The following SLC6A4 variants were observed in gnomAD, a reference collection of about 807,000 sequenced individuals.
SLC6A4 encodes the protein solute carrier family 6 member 4.
A neutral mutation model predicts 73.4 loss-of-function variants in SLC6A4; 22 were observed. That is an observed-to-expected ratio of 0.30 (90% CI 0.21 to 0.43). SLC6A4 has a LOEUF of 0.43. Ranked by LOEUF, SLC6A4 falls within the 20% of genes least tolerant of loss-of-function variation. SLC6A4 has a pLI of 1.00. For synonymous variants in SLC6A4, 270 were observed against 315.5 expected (o/e 0.86, Z 1.53); for missense variants, 593 against 808.5 (o/e 0.73, Z 3.23).
In SLC6A4 at chr17:30,221,812, T is replaced by G; in HGVS notation, c.147A>C (p.Ala49=). Residue 49 remains alanine (A), a synonymous_variant, in exon 3 of 15, where the codon GCA becomes GCC. Coordinates refer to ENST00000650711, the MANE Select transcript of SLC6A4 (RefSeq NM_001045.6). ...CATCTCCCGCACCAGGACTTGGAAC[T>G]GCTGAGTACCCATTGGATATTTGCC... ...ESGQISNGYS[A]VPSPGAGDDT... is the part of the protein sequence containing the mutation. 6.2e-7 allele frequency: 1 copy of G among 1,614,198 alleles called. No homozygotes were observed. The highest frequency in any genetic ancestry group is 8.5e-7 in the Non-Finnish European group (1 of 1,180,034).
At chr17:30,214,655 T>C (rs11653903) in intron 8 of SLC6A4, among the ~76,000 whole-genome samples, 99,233 of 140,816 alleles carry the variant, frequency 0.7, 37,488 homozygotes, top group East Asian at 0.9. Context: ...TTTTTTTTGA[T>C]GGAATCTCAC....
Position 30,194,516 on chromosome 17 carries a change from T to C in SLC6A4, c.*3940A>G, listed in dbSNP as rs1292306578. The C allele has an allele frequency of 6.6e-6, 1 of 152,190 alleles. No individual in the cohort carries two copies. The highest frequency in any genetic ancestry group is 1.9e-4 in the East Asian group (1 of 5,204). 9.4% of individuals were successfully genotyped at this position (152,190 alleles called of 1,614,324 possible). The stretch of plus-strand genomic sequence containing the variant: ...CAATCAAAAGTATTCTGAAAAGTTG[T>C]ATATAGATCAAATCATAGTTTAAAG... On this transcript the variant is annotated 3_prime_UTR_variant, in exon 15 of 15. Transcript: ENST00000650711.
intron 12 of SLC6A4, 110 bp from the exon 13 acceptor site, chr17:30,207,942 G>A (rs1401137124): frequency 6.7e-6 from 5 of 744,676 alleles, no homozygotes; most frequent in Admixed American, 2.4e-5. Context: ...CACTGGGAAT[G>A]ACAAGGGGAA....
rs778131401 is a variant in SLC6A4, at chr17:30,221,626, C to G, written c.333G>C (p.Gln111His). 6.2e-7 allele frequency: 1 copy of G among 1,613,080 alleles called. No individual in the cohort carries two copies. The highest frequency in any genetic ancestry group is 1.7e-5 in the Admixed American group (1 of 60,010). ...GCCTGTGATACTGACCCCCTCCATTCTGGTAACATATGTAGGGGAAGCGCC... is the reference window on the plus strand; with the variant it reads ...GCCTGTGATACTGACCCCCTCCATTGTGGTAACATATGTAGGGGAAGCGCC... ...NVWRFPYICY[Q>H]NGGGAFLLPY... The change falls in exon 3 of 15, where the codon CAG becomes CAC. Residue 111 changes from glutamine to histidine, a missense_variant. Transcript: ENST00000650711.
At chr17:30,222,960 G>T (rs25528) in intron 1 of SLC6A4, 45 bp from the exon 2 acceptor site, 543,674 of 685,978 alleles carry the variant, frequency 0.79, 218,734 homozygotes, top group East Asian at 0.88. Context: ...GGTGGTTGGT[G>T]TCGCCGTCCC....
rs55958834 is a variant in SLC6A4 at position 30,208,720 on chromosome 17, C to T, written c.1549+423G>A. ...TTTTTTGTTTGTTTCGAGACAGACT[C>T]TCACTCTGTTGTCCAGACTGGAGTG... is the stretch of plus-strand genomic sequence containing the variant. On this transcript the variant is annotated intron_variant, in intron 12 of 14. Transcript: ENST00000650711. Among the ~76,000 whole-genome samples the T allele has an allele frequency of 9.2e-5, 14 of 152,314 alleles. No homozygotes were observed. The East Asian group carries it at 2.5e-3, about 27-fold the overall frequency.
chr17:30,222,728 G>C lies in SLC6A4; in HGVS notation c.-124+91C>G, dbSNP rs1036085330. ...GTTGGGGCAGATTTGAGCTGCCTCC[G>C]GCTGTGTCCAGTCTATCTGCACATG... On this transcript the variant is annotated intron_variant, in intron 2 of 14. Coordinates refer to ENST00000650711, the MANE Select transcript of SLC6A4 (RefSeq NM_001045.6). The C allele has an allele frequency of 2.3e-5, 26 of 1,136,000 alleles. 1 individual carries two copies. The East Asian group carries it at 1.4e-3, about 63-fold the overall frequency. 70.4% of individuals were successfully genotyped at this position (1,136,000 alleles called of 1,614,324 possible). A position where few individuals can be genotyped will look rare whatever the true frequency, so the allele number is the denominator to read the frequency against.
chr17:30,232,363 G>A (rs962243797), intron 1 of SLC6A4, among the ~76,000 whole-genome samples: 7 of 152,168 alleles, frequency 4.6e-5, no homozygotes, highest in Admixed American at 4.6e-4. Context: ...CTACCTCAAA[G>A]AATGACCTGA....
chr17:30,211,389 T>C lies in SLC6A4; in HGVS notation c.1240A>G (p.Ile414Val), dbSNP rs1346661301. 1 of 1,613,832 alleles carries C rather than the reference T, an allele frequency of 6.2e-7. No homozygotes were observed. The highest frequency in any genetic ancestry group is 8.5e-7 in the Non-Finnish European group (1 of 1,179,790). The change falls in exon 10 of 15, where the codon ATA becomes GTA. Residue 414 changes from isoleucine to valine, a missense_variant. Transcript: ENST00000650711. This position sits in a 1 kb window ranked among gnomAD's most constrained non-coding sequence, Gnocchi z 4.0. ...AAAGTGGACGCTGGCATGTTGGCTA[T>C]CGCTTCTGCATACGTGATGAAGAGG... ...SLLFITYAEA[I>V]ANMPASTFFA...
rs757655745 is a variant in SLC6A4 at position 30,215,712 on chromosome 17, C to T, written c.975G>A (p.Val325=). The T allele has an allele frequency of 1.9e-6, 3 of 1,613,564 alleles. No individual in the cohort carries two copies. The highest frequency in any genetic ancestry group is 4.5e-5 in the East Asian group (2 of 44,820). ...AGATCTGAGCGGCTGCATCTATCCA[C>T]ACCTGGAACACAGCAGGGGTAAGGG... ...PNWQKLLETG[V]WIDAAAQIFF... Residue 325 remains valine (V), a splice_region_variant and synonymous_variant, in exon 8 of 15, where the codon GTG becomes GTA. Transcript: ENST00000650711.
intron 1 of SLC6A4, among the ~76,000 whole-genome samples, chr17:30,231,120 A>G (rs950481596): frequency 6.6e-6 from 1 of 152,052 alleles, no homozygotes. Flanking sequence ...CGATAATAGT[A>G]TTGTATCTAT....
chr17:30,232,196 C>T (rs776332754), intron 1 of SLC6A4, among the ~76,000 whole-genome samples: 2 of 152,254 alleles, frequency 1.3e-5, no homozygotes, highest in Non-Finnish European at 2.9e-5. Flanking sequence ...CAAAGGCCCA[C>T]GTACTTGCCC....
rs1005292342 is a variant in SLC6A4 at position 30,203,474 on chromosome 17, A to C, written c.1651-135T>G. On this transcript the variant is annotated intron_variant, in intron 13 of 14. Transcript: ENST00000650711. ...ATTCCCAAGATGTGATATATCCTGG[A>C]TTGAACTCTGACACACAGAATTACC... The C allele has an allele frequency of 1.6e-4, 115 of 737,842 alleles. 1 individual carries two copies. Among genetic ancestry groups the C allele is most frequent in the Non-Finnish European group, 5.5e-5 (25 of 452,814 alleles). 45.7% of individuals were successfully genotyped at this position (737,842 alleles called of 1,614,324 possible).
rs188032455 is a variant in SLC6A4, at chr17:30,211,962, G to A, written c.1205-538C>T. On this transcript the variant is annotated intron_variant, in intron 9 of 14. Coordinates refer to ENST00000650711, the MANE Select transcript of SLC6A4 (RefSeq NM_001045.6). This position sits in a 1 kb window ranked among gnomAD's most constrained non-coding sequence, Gnocchi z 4.0. Reference sequence around the variant, plus strand: ...TCATGGGTTAGCTAGGGGTGCCCTCGTTTGGGGTATGGGGTTGGTCAAAGC... The same window carrying A: ...TCATGGGTTAGCTAGGGGTGCCCTCATTTGGGGTATGGGGTTGGTCAAAGC... 3.5e-4 allele frequency among the ~76,000 whole-genome samples: 53 copies of A among 152,188 alleles called. No homozygotes were observed. The highest frequency in any genetic ancestry group is 1.5e-3 in the Admixed American group (23 of 15,292).
rs74218513 is a variant in SLC6A4 at position 30,215,012 on chromosome 17, CT to C, written c.1076+598del. Among the ~76,000 whole-genome samples the C allele has an allele frequency of 9.2e-4, 22 of 23,814 alleles. No homozygotes were observed. The South Asian group carries it at 0.012, about 13-fold the overall frequency. 15.6% of individuals were successfully genotyped at this position (23,814 alleles called of 152,430 possible). A position where few individuals can be genotyped will look rare whatever the true frequency, so the allele number is the denominator to read the frequency against. Reference sequence around the variant, plus strand: ...CTTTCCTTCCTTCCTTTCTTTCTTTCTTTCTTTCTTTTTTCTTTCTTTCTTT... The same window carrying C: ...CTTTCCTTCCTTCCTTTCTTTCTTTCTTCTTTCTTTTTTCTTTCTTTCTTT... On this transcript the variant is annotated intron_variant, in intron 8 of 14. Coordinates refer to ENST00000650711, the MANE Select transcript of SLC6A4 (RefSeq NM_001045.6).
chr17:30,219,770 GC>G (rs924167032), intron 3 of SLC6A4, among the ~76,000 whole-genome samples: 1 of 152,162 alleles, frequency 6.6e-6, no homozygotes, highest in African/African-American at 2.4e-5. Context: ...TGAGTTTTTA[GC>G]CTAAAGGGTG....
At chr17:30,226,394 G>A (rs567127446) in intron 1 of SLC6A4, among the ~76,000 whole-genome samples, 1 of 152,208 alleles carries the variant, frequency 6.6e-6, no homozygotes, top group Non-Finnish European at 1.5e-5. Flanking sequence ...ACATGTGCTC[G>A]GCTCCTCAGA....
intron 14 of SLC6A4, among the ~76,000 whole-genome samples, chr17:30,201,893 A>G (rs1906047336): frequency 6.6e-6 from 1 of 152,194 alleles, no homozygotes; most frequent in Non-Finnish European, 1.5e-5. Flanking sequence ...GATTGAGCTC[A>G]GGAGTTTGAG....
At chr17:30,213,511 C>T (rs1331630523) in intron 8 of SLC6A4, among the ~76,000 whole-genome samples, 1 of 152,022 alleles carries the variant, frequency 6.6e-6, no homozygotes, top group Non-Finnish European at 1.5e-5. Context: ...CCATGTTGGC[C>T]AGGCTGGTCT....
Sources: allele counts gnomAD v4.1 joint callset (sites outside exome capture counted in the v4.1 genomes callset), GRCh38; gene constraint gnomAD v4.1.1; non-coding constraint Gnocchi (gnomAD v3.1); transcripts MANE v1.5; gene names NCBI Gene and HGNC (gene_info 2026-07-23, HGNC 2026-07-21).